MAP2: variants seen among roughly 807,000 people sequenced by gnomAD.
MAP2 encodes microtubule-associated protein 2.
MAP2 carries 14 observed loss-of-function variants against 137.6 expected under a neutral mutation model. That is an observed-to-expected ratio of 0.10 (90% CI 0.07 to 0.16). The LOEUF (loss-of-function observed/expected upper bound fraction) is 0.16, where lower values mean the gene tolerates loss of function less well. MAP2 is among the 10% of genes least tolerant of loss of function. MAP2 has a pLI of 1.00. For missense variants in MAP2, 2,088 were observed against 2,191.5 expected (o/e 0.95, Z 0.94); for synonymous variants, 786 against 782.3 (o/e 1.00, Z -0.08).
intron 1 of MAP2, among the ~76,000 whole-genome samples, chr2:209,499,770 G>A (rs916826909): frequency 7.2e-5 from 11 of 152,028 alleles, no homozygotes; most frequent in Non-Finnish European, 1.6e-4. Context: ...AGAGAGACAG[G>A]GGGTGGGGAG....
chr2:209,496,788 T>C (rs1167730310), intron 1 of MAP2, among the ~76,000 whole-genome samples: 1 of 152,174 alleles, frequency 6.6e-6, no homozygotes, highest in East Asian at 1.9e-4. Context: ...TCCTGGCCAA[T>C]GAATCCTTAA....
chr2:209,644,249 T>C lies in MAP2; in HGVS notation c.-29-8893T>C, dbSNP rs1344298071. Among the ~76,000 whole-genome samples, 9 of 152,224 alleles carry C rather than the reference T, an allele frequency of 5.9e-5. No individual in the cohort carries two copies. The South Asian group carries it at 1.9e-3, about 31-fold the overall frequency. On this transcript the variant is annotated intron_variant, in intron 4 of 15. Transcript: ENST00000682079. ...AAGTAGTTTATCTTAAAAGTATTTC[T>C]AAACCTTTATATCATGTGGTTTCTA...
intron 5 of MAP2, among the ~76,000 whole-genome samples, chr2:209,662,533 C>G (rs1304902651): frequency 1.3e-5 from 2 of 152,106 alleles, no homozygotes; most frequent in African/African-American, 4.8e-5. Flanking sequence ...TGACCTTTCT[C>G]TCATCCCATT....
At chr2:209,621,498 A>T (rs1245016633) in intron 3 of MAP2, among the ~76,000 whole-genome samples, 1 of 151,884 alleles carries the variant, frequency 6.6e-6, no homozygotes, top group African/African-American at 2.4e-5. Flanking sequence ...ACCTCAGGTG[A>T]TCCACCCTCC....
At chr2:209,590,697 G>T (rs1004865744) in intron 3 of MAP2, among the ~76,000 whole-genome samples, 1 of 152,106 alleles carries the variant, frequency 6.6e-6, no homozygotes, top group Non-Finnish European at 1.5e-5. Context: ...TGTTTCAAGC[G>T]CTTGATAGCC....
In MAP2 at chr2:209,545,879, G is replaced by A. The variant is rs533435908; in HGVS notation, c.-171-34157G>A. Reference sequence around the variant, plus strand: ...TTTTTGGCCGGGCATGGTGGCTCACGCCTGTAATCCCAGCACTTTGGGAGG... The same window carrying A: ...TTTTTGGCCGGGCATGGTGGCTCACACCTGTAATCCCAGCACTTTGGGAGG... On this transcript the variant is annotated intron_variant, in intron 2 of 15. Coordinates refer to ENST00000682079, the MANE Select transcript of MAP2 (RefSeq NM_001375505.1). Among the ~76,000 whole-genome samples, 3 of 152,282 alleles carry A rather than the reference G, an allele frequency of 2.0e-5. No individual in the cohort carries two copies. The East Asian group carries it at 5.8e-4, about 29-fold the overall frequency.
chr2:209,600,826 T>C (rs575934642), intron 3 of MAP2, among the ~76,000 whole-genome samples: 1 of 152,256 alleles, frequency 6.6e-6, no homozygotes, highest in Non-Finnish European at 1.5e-5. Flanking sequence ...CCCTTCTTCT[T>C]CTCTATAGGA....
Position 209,445,164 on chromosome 2 carries a change from A to G in MAP2, c.-222+20888A>G, listed in dbSNP as rs925631730. Among the ~76,000 whole-genome samples the G allele has an allele frequency of 3.3e-5, 5 of 151,738 alleles. No homozygotes were observed. The East Asian group carries it at 9.7e-4, about 29-fold the overall frequency. On this transcript the variant is annotated intron_variant, in intron 1 of 15. Transcript: ENST00000682079. Reference sequence around the variant, plus strand: ...TAATTAGCTCCAAAGCGGCTTCCACATTTAAGTAATATTAAAAATTGCTAA... The same window carrying G: ...TAATTAGCTCCAAAGCGGCTTCCACGTTTAAGTAATATTAAAAATTGCTAA...
chr2:209,616,565 C>G (rs951225851), intron 3 of MAP2, among the ~76,000 whole-genome samples: 3 of 152,176 alleles, frequency 2.0e-5, no homozygotes. Context: ...CTCATCTACA[C>G]AAAGTTAACC....
At chr2:209,495,939 G>A (rs960326088) in intron 1 of MAP2, among the ~76,000 whole-genome samples, 3 of 152,136 alleles carry the variant, frequency 2.0e-5, no homozygotes, top group African/African-American at 7.2e-5. Context: ...TATGTTCAGT[G>A]TTGTGACAGC....
At chr2:209,428,976 C>T (rs965570760) in intron 1 of MAP2, among the ~76,000 whole-genome samples, 2 of 142,670 alleles carry the variant, frequency 1.4e-5, no homozygotes, top group African/African-American at 5.0e-5. Flanking sequence ...TATTTTGAGA[C>T]GGAGTCTCGC....
At chr2:209,538,269 G>C (rs796314834) in intron 2 of MAP2, among the ~76,000 whole-genome samples, 5 of 152,316 alleles carry the variant, frequency 3.3e-5, no homozygotes, top group African/African-American at 1.2e-4. Flanking sequence ...TTAGAGAAGA[G>C]AGAGAAATGG....
In MAP2 at chr2:209,667,887, A is replaced by T. The variant is rs1029239814; in HGVS notation, c.263-10685A>T. On this transcript the variant is annotated intron_variant, in intron 5 of 15. Transcript: ENST00000682079. ...TCAGCACTTTTCTATCTGCTTCCCCAATCCCTTCTCTTCATTTTCTTCAAG... is the reference window on the plus strand; with the variant it reads ...TCAGCACTTTTCTATCTGCTTCCCCTATCCCTTCTCTTCATTTTCTTCAAG... Among the ~76,000 whole-genome samples the T allele has an allele frequency of 1.2e-4, 18 of 151,958 alleles. 1 individual carries two copies. The highest frequency in any genetic ancestry group is 8.3e-4 in the South Asian group (4 of 4,822).
chr2:209,454,726 T>C (rs1701135481), intron 1 of MAP2, among the ~76,000 whole-genome samples: 1 of 152,216 alleles, frequency 6.6e-6, no homozygotes, highest in Non-Finnish European at 1.5e-5. Context: ...GTAGTTGCAT[T>C]ATTATGTAAA....
At chr2:209,444,611 G>A (rs1380817751) in intron 1 of MAP2, among the ~76,000 whole-genome samples, 2 of 150,752 alleles carry the variant, frequency 1.3e-5, no homozygotes, top group Non-Finnish European at 3.0e-5. Context: ...TTTGTCAGAG[G>A]GAAAATGAAA....
At chr2:209,510,653 G>A (rs1049347870) in intron 2 of MAP2, among the ~76,000 whole-genome samples, 1 of 151,978 alleles carries the variant, frequency 6.6e-6, no homozygotes, top group Non-Finnish European at 1.5e-5. Flanking sequence ...GCAAATGATG[G>A]ATTCTCAATT....
intron 2 of MAP2, among the ~76,000 whole-genome samples, chr2:209,511,511 G>A (rs953576452): frequency 1.3e-5 from 2 of 152,098 alleles, no homozygotes; most frequent in Admixed American, 6.6e-5. Flanking sequence ...TGAAGCACCC[G>A]AGTTTGAAAT....
At chr2:209,706,862 A>G (rs2153748994) in intron 12 of MAP2, among the ~76,000 whole-genome samples, 1 of 150,648 alleles carries the variant, frequency 6.6e-6, no homozygotes, top group East Asian at 2.0e-4. Context: ...TTATAATAAC[A>G]GTAATTGTGT....
chr2:209,483,561 G>A (rs1025554001), intron 1 of MAP2, among the ~76,000 whole-genome samples: 5 of 152,160 alleles, frequency 3.3e-5, no homozygotes, highest in African/African-American at 1.2e-4. Flanking sequence ...CTGATAGAGC[G>A]AGACTCCATC....
Sources: gnomAD v4.1 joint callset for allele counts (sites outside exome capture counted in the v4.1 genomes callset) on GRCh38, gnomAD v4.1.1 for gene constraint, MANE v1.5 for transcripts, NCBI Gene and HGNC (gene_info 2026-07-23, HGNC 2026-07-21) for gene names.